PYGB: variants seen among roughly 807,000 people sequenced by gnomAD.
PYGB encodes the protein glycogen phosphorylase, brain form.
A neutral mutation model predicts 94.3 loss-of-function variants in PYGB; 82 were observed. The observed-to-expected ratio is 0.87, with a 90% CI of 0.73 to 1.04. The LOEUF is 1.04. PYGB is among the 50% of genes least tolerant of loss of function. The pLI, the probability that PYGB is intolerant of heterozygous loss-of-function variation, is 0.00. For missense variants in PYGB, 1,132 were observed against 1,158.2 expected, an observed-to-expected ratio of 0.98 and a Z score of 0.33; for synonymous variants, 488 against 479.1, an observed-to-expected ratio of 1.02 and a Z score of -0.24.
chr20:25,250,143 C>G (rs561417021), intron 1 of PYGB, among the ~76,000 whole-genome samples: 1 of 152,322 alleles, frequency 6.6e-6, no homozygotes, highest in African/African-American at 2.4e-5. Context: ...GCCAACGCAC[C>G]CGACCCGCAA....
chr20:25,251,541 C>T (rs1404843644), intron 1 of PYGB, among the ~76,000 whole-genome samples: 1 of 152,200 alleles, frequency 6.6e-6, no homozygotes, highest in Non-Finnish European at 1.5e-5. Context: ...AAAAGGTTCA[C>T]ATTAGAAGGC....
intron 1 of PYGB, chr20:25,251,335 T>C (rs2092887489): frequency 6.6e-6 from 1 of 152,250 alleles, no homozygotes; most frequent in African/African-American, 2.4e-5. Context: ...TGTGCAACTG[T>C]GGGCTTGGGC....
rs1268275180 is a variant in PYGB, at chr20:25,296,367, C to T, written c.2380-3C>T. The T allele has an allele frequency of 1.2e-6, 2 of 1,613,934 alleles. No individual in the cohort carries two copies. The highest frequency in any genetic ancestry group is 1.7e-5 in the Admixed American group (1 of 60,008). On this transcript the variant is annotated splice_region_variant and splice_polypyrimidine_tract_variant and intron_variant, in intron 19 of 19. Coordinates refer to ENST00000216962, the MANE Select transcript of PYGB (RefSeq NM_002862.4). ...GAGACTAATTTCATCTCCTTCCCTG[C>T]AGAACCCCAAGGAGTGGACCAAGAA...
intron 10 of PYGB, among the ~76,000 whole-genome samples, chr20:25,280,683 C>A (rs2088358273): frequency 6.6e-6 from 1 of 152,234 alleles, no homozygotes; most frequent in South Asian, 2.1e-4. Flanking sequence ...GGTCCCTGGG[C>A]CGGGCTGGGC....
intron 2 of PYGB, among the ~76,000 whole-genome samples, chr20:25,263,348 A>G (rs1316158603): frequency 1.3e-5 from 2 of 152,184 alleles, no homozygotes; most frequent in Non-Finnish European, 2.9e-5. Context: ...AAACTGAACA[A>G]CCTGCTCCTG....
intron 18 of PYGB, 85 bp downstream of exon 18, chr20:25,294,377 T>C: frequency 1.4e-6 from 2 of 1,465,736 alleles, no homozygotes; most frequent in Non-Finnish European, 9.4e-7. Context: ...TCCACCTTGT[T>C]TGGAGAGCAA....
At chr20:25,288,333 G>C in intron 14 of PYGB, 92 bp from the exon 15 acceptor site, 1 of 1,403,074 alleles carries the variant, frequency 7.1e-7, no homozygotes. Context: ...TGCCTGTCCT[G>C]CCTCAGGGTC....
chr20:25,267,003 A>T (rs1418680207), intron 2 of PYGB, among the ~76,000 whole-genome samples: 1 of 152,238 alleles, frequency 6.6e-6, no homozygotes, highest in African/African-American at 2.4e-5. Context: ...TCTCAGAGAA[A>T]TGAAAACATA....
In PYGB at chr20:25,293,973, G is replaced by C. The variant is rs563076648; in HGVS notation, c.2178-185G>C. The C allele has an allele frequency of 8.5e-4, 573 of 673,950 alleles. No individual in the cohort carries two copies. Among genetic ancestry groups the C allele is most frequent in the Non-Finnish European group, 1.3e-3 (531 of 401,456 alleles). The allele number at this position is 673,950 out of a possible 1,614,324, so 41.7% of individuals were successfully genotyped here. On this transcript the variant is annotated intron_variant, in intron 17 of 19. Transcript: ENST00000216962. ...TTAGACTGACTTCACATCTCTGCTC[G>C]AGCAGGTCCCTGCTCAAGGGCCTCG...
intron 19 of PYGB, among the ~76,000 whole-genome samples, chr20:25,296,090 C>T (rs2088538955): frequency 6.6e-6 from 1 of 152,168 alleles, no homozygotes; most frequent in South Asian, 2.1e-4. Flanking sequence ...TTACCTGGTG[C>T]TATCCCTATC....
At chr20:25,283,928 C>T (rs1284383014) in intron 13 of PYGB, among the ~76,000 whole-genome samples, 176 bp from the exon 14 acceptor site, 1 of 152,108 alleles carries the variant, frequency 6.6e-6, no homozygotes, top group Non-Finnish European at 1.5e-5. Flanking sequence ...GCATCCCCCT[C>T]TCCCCTTTTC....
At position 25,297,350 on chromosome 20, in the gene PYGB, A is replaced by AT. The variant is rs1313667387; in HGVS notation, c.*830dup. ...CCTTTTCTTGTTTTAGCAACTGAAA[A>AT]TTGTACTTGGTCACTTTTGTGCTTG... On this transcript the variant is annotated 3_prime_UTR_variant, in exon 20 of 20. Transcript: ENST00000216962. 1 of 152,350 alleles carries AT rather than the reference A, an allele frequency of 6.6e-6. No individual in the cohort carries two copies. Among genetic ancestry groups the AT allele is most frequent in the African/African-American group, 2.4e-5 (1 of 41,456 alleles). The allele number at this position is 152,350 out of a possible 1,614,324, so 9.4% of individuals were successfully genotyped here. A position where few individuals can be genotyped will look rare whatever the true frequency, so the allele number is the denominator to read the frequency against.
rs2088475947 is a variant in PYGB at position 25,292,390 on chromosome 20, GGGCTCCCCTCCACA to G, written c.1970-14_1970-1del. 6.2e-7 allele frequency: 1 copy of G among 1,610,110 alleles called. No individual in the cohort carries two copies. The highest frequency in any genetic ancestry group is 2.2e-5 in the East Asian group (1 of 44,850). On this transcript the variant is annotated splice_acceptor_variant and splice_polypyrimidine_tract_variant and intron_variant, in intron 16 of 19. Coordinates refer to ENST00000216962, the MANE Select transcript of PYGB (RefSeq NM_002862.4). LOFTEE classifies it high-confidence loss of function. ...GGGTCCTCACAGTGATCCCCTCCAC[GGGCTCCCCTCCACA>G]GTGATCCCGGCCGCTGATCTGTCGC...
intron 11 of PYGB, 44 bp from the exon 12 acceptor site, chr20:25,281,989 A>G: frequency 1.3e-6 from 2 of 1,509,426 alleles, no homozygotes; most frequent in Non-Finnish European, 9.2e-7. Flanking sequence ...CACCTGGTGC[A>G]GGGCACAGCA....
chr20:25,293,437 A>G (rs2088492430), intron 17 of PYGB, among the ~76,000 whole-genome samples: 1 of 149,064 alleles, frequency 6.7e-6, no homozygotes, highest in African/African-American at 2.5e-5. Context: ...TCTGGACGTC[A>G]TGAGGAATCC....
At chr20:25,260,835 C>T (rs67864609) in intron 2 of PYGB, among the ~76,000 whole-genome samples, 8,316 of 152,294 alleles carry the variant, frequency 0.055, 251 homozygotes, top group Middle Eastern at 0.11. Context: ...AATTATATCC[C>T]GCACCAGGCT....
chr20:25,281,430 C>T (rs1213473239), intron 11 of PYGB, among the ~76,000 whole-genome samples: 1 of 152,258 alleles, frequency 6.6e-6, no homozygotes, highest in Non-Finnish European at 1.5e-5. Flanking sequence ...CACTGGTCCA[C>T]CTGCCGCTGG....
chr20:25,271,989 G>C (rs527979251), intron 4 of PYGB, among the ~76,000 whole-genome samples: 2 of 152,310 alleles, frequency 1.3e-5, no homozygotes, highest in African/African-American at 2.4e-5. Context: ...GCTGGACTCT[G>C]CATAGTACAG....
chr20:25,269,374 G>A (rs2088246335), intron 3 of PYGB, among the ~76,000 whole-genome samples, 167 bp downstream of exon 3: 1 of 152,200 alleles, frequency 6.6e-6, no homozygotes, highest in Non-Finnish European at 1.5e-5. Context: ...GGGAAAGGGG[G>A]AAAATGTATG....
Sources: gnomAD v4.1 joint callset for allele counts (sites outside exome capture counted in the v4.1 genomes callset) on GRCh38, gnomAD v4.1.1 for gene constraint, MANE v1.5 for transcripts, NCBI Gene and HGNC (gene_info 2026-07-23, HGNC 2026-07-21) for gene names.